Variants in PRMT3 observed in about 807,000 individuals in gnomAD.
PRMT3 encodes protein arginine N-methyltransferase 3.
In PRMT3, 62 loss-of-function variants were observed where a neutral mutation model predicts 71.9. The observed-to-expected ratio is 0.86, with a 90% CI of 0.70 to 1.07. The LOEUF is 1.07. PRMT3 is among the 50% of genes least tolerant of loss of function. The pLI is 0.00. For synonymous variants in PRMT3, 213 were observed against 220.4 expected, an observed-to-expected ratio of 0.97 and a Z score of 0.30; for missense variants, 663 against 643.0, an observed-to-expected ratio of 1.03 and a Z score of -0.34.
Position 20,397,734 on chromosome 11 carries a change from C to G in PRMT3, c.705+13C>G. On this transcript the variant is annotated intron_variant, in intron 7 of 15. Transcript: ENST00000331079. ...AGAAATGCTAAAGGTTAGAAAAGAA[C>G]ACAAATGCGTCAAATCCATACTAAA... 6.2e-7 allele frequency: 1 copy of G among 1,612,790 alleles called. No homozygotes were observed. The highest frequency in any genetic ancestry group is 1.7e-5 in the Admixed American group (1 of 59,790).
At chr11:20,415,058 T>A (rs1297425069) in intron 9 of PRMT3, among the ~76,000 whole-genome samples, 2 of 114,754 alleles carry the variant, frequency 1.7e-5, no homozygotes, top group Admixed American at 1.7e-4. Flanking sequence ...GTGTGTGTAT[T>A]TTGGAAAAAT....
chr11:20,420,133 C>T (rs1485270802), intron 9 of PRMT3, among the ~76,000 whole-genome samples: 1 of 152,074 alleles, frequency 6.6e-6, no homozygotes. Context: ...GATCGTGCCA[C>T]AGCACTCTAG....
chr11:20,471,931 G>A (rs535229940), intron 13 of PRMT3, among the ~76,000 whole-genome samples: 54 of 151,970 alleles, frequency 3.6e-4, no homozygotes, highest in Middle Eastern at 3.4e-3. Context: ...CTCGTTAGCA[G>A]TATTCCTAGG....
intron 13 of PRMT3, among the ~76,000 whole-genome samples, chr11:20,477,909 G>A (rs77132652): frequency 0.019 from 2,942 of 151,356 alleles, 94 homozygotes; most frequent in African/African-American, 0.066. Context: ...TCTGCCTTTT[G>A]GATTTCTCCA....
intron 8 of PRMT3, chr11:20,407,292 A>C (rs1157013494): frequency 6.6e-6 from 1 of 152,124 alleles, no homozygotes; most frequent in Non-Finnish European, 1.5e-5. Context: ...TCTATTGTGT[A>C]TATTTTTCTA....
intron 13 of PRMT3, among the ~76,000 whole-genome samples, chr11:20,487,475 T>C (rs931928754): frequency 6.6e-6 from 1 of 152,166 alleles, no homozygotes; most frequent in Admixed American, 6.5e-5. Context: ...TCTTTATATA[T>C]TGAAGTATAA....
intron 13 of PRMT3, among the ~76,000 whole-genome samples, chr11:20,465,830 T>C (rs1226771645): frequency 6.6e-6 from 1 of 152,138 alleles, no homozygotes; most frequent in Non-Finnish European, 1.5e-5. Context: ...TAATTGAAAT[T>C]ATTTTTGTCA....
chr11:20,462,430 T>C (rs3758804), intron 12 of PRMT3, among the ~76,000 whole-genome samples: 126,070 of 152,044 alleles, frequency 0.83, 53,859 homozygotes, highest in Non-Finnish European at 0.95. Flanking sequence ...ATAATTTATA[T>C]TTACTTTGGC....
At chr11:20,432,502 A>G (rs534053916) in intron 10 of PRMT3, among the ~76,000 whole-genome samples, 1 of 152,250 alleles carries the variant, frequency 6.6e-6, no homozygotes, top group African/African-American at 2.4e-5. Flanking sequence ...GCTATTGTGA[A>G]TAGTGCTGTT....
chr11:20,499,624 T>C (rs1365068776), intron 15 of PRMT3, among the ~76,000 whole-genome samples: 1 of 151,994 alleles, frequency 6.6e-6, no homozygotes, highest in Non-Finnish European at 1.5e-5. Context: ...AGGTCCTATT[T>C]CTAAAAAAAA....
At position 20,509,328 on chromosome 11, in the gene PRMT3, A is replaced by AAAC. The variant is rs1851672656; in HGVS notation, c.*920_*922dup. Reference sequence around the variant, plus strand: ...ATAAAAGTTTTCAATAAAATATATCAAACAACATTATAAAATATTTCAACA... The same window carrying AAAC: ...ATAAAAGTTTTCAATAAAATATATCAAACAACAACATTATAAAATATTTCAACA... On this transcript the variant is annotated 3_prime_UTR_variant, in exon 16 of 16. Transcript: ENST00000331079. 1 of 152,132 alleles carries AAAC rather than the reference A, an allele frequency of 6.6e-6. No homozygotes were observed. The highest frequency in any genetic ancestry group is 1.5e-5 in the Non-Finnish European group (1 of 68,036). The allele number at this position is 152,132 out of a possible 1,614,324, so 9.4% of individuals were successfully genotyped here. A position where few individuals can be genotyped will look rare whatever the true frequency, so the allele number is the denominator to read the frequency against.
intron 11 of PRMT3, among the ~76,000 whole-genome samples, chr11:20,455,103 C>T (rs938324380): frequency 2.6e-5 from 4 of 152,072 alleles, no homozygotes; most frequent in Non-Finnish European, 5.9e-5. Flanking sequence ...ATGCAGCCAA[C>T]AAGAGATGAG....
At chr11:20,505,615 T>G (rs1851571368) in intron 15 of PRMT3, among the ~76,000 whole-genome samples, 1 of 152,172 alleles carries the variant, frequency 6.6e-6, no homozygotes, top group Non-Finnish European at 1.5e-5. Flanking sequence ...TTCCCAGTTT[T>G]GGTGTCAATA....
At chr11:20,424,377 TAAATC>T (rs1849496583) in intron 9 of PRMT3, among the ~76,000 whole-genome samples, 1 of 152,122 alleles carries the variant, frequency 6.6e-6, no homozygotes, top group South Asian at 2.1e-4. Flanking sequence ...AGTCCAGAAA[TAAATC>T]CACACATACA....
chr11:20,388,276 A>G, intron 2 of PRMT3, 122 bp downstream of exon 2: 2 of 1,417,026 alleles, frequency 1.4e-6, no homozygotes, highest in Non-Finnish European at 1.9e-6. Context: ...TTCTGGAACC[A>G]CTGGTCTGGG....
chr11:20,397,595 T>G lies in PRMT3; in HGVS notation c.579T>G (p.Phe193Leu), dbSNP rs1430129180. Reference protein sequence around the residue: ...LQKMKQFAQDFVMHTDVRTCS... With the variant: ...LQKMKQFAQDLVMHTDVRTCS... Reference sequence around the variant, plus strand: ...ATTACAGACAATTTGCTCAGGATTTTGTGATGCACACAGATGTCAGAACCT... The same window carrying G: ...ATTACAGACAATTTGCTCAGGATTTGGTGATGCACACAGATGTCAGAACCT... The change falls in exon 7 of 16, where the codon TTT (phenylalanine) becomes TTG (leucine). Residue 193 changes from phenylalanine (F) to leucine (L), a missense_variant. By Grantham distance (22) the Phe-to-Leu change is conservative. Coordinates refer to ENST00000331079, the MANE Select transcript of PRMT3 (RefSeq NM_005788.4). 1 of 1,614,044 alleles carries G rather than the reference T, an allele frequency of 6.2e-7. No individual in the cohort carries two copies. The highest frequency in any genetic ancestry group is 2.2e-5 in the East Asian group (1 of 44,890).
intron 13 of PRMT3, 140 bp from the exon 14 acceptor site, chr11:20,493,779 T>G (rs1851266149): frequency 1.6e-6 from 1 of 622,154 alleles, no homozygotes; most frequent in African/African-American, 1.9e-5. Context: ...ACAACATCTT[T>G]TCCAGGAAAA....
At chr11:20,473,082 G>A (rs1181236129) in intron 13 of PRMT3, among the ~76,000 whole-genome samples, 4 of 152,046 alleles carry the variant, frequency 2.6e-5, no homozygotes, top group African/African-American at 4.8e-5. Context: ...TGGAGACCAC[G>A]GTAATATTCC....
At chr11:20,479,896 C>T (rs997119827) in intron 13 of PRMT3, among the ~76,000 whole-genome samples, 3 of 152,156 alleles carry the variant, frequency 2.0e-5, no homozygotes, top group East Asian at 1.9e-4. Context: ...ATGTCCATTG[C>T]GGCCTTCCTC....
Sources: allele counts gnomAD v4.1 joint callset (sites outside exome capture counted in the v4.1 genomes callset), GRCh38; gene constraint gnomAD v4.1.1; transcripts MANE v1.5; gene names NCBI Gene and HGNC (gene_info 2026-07-23, HGNC 2026-07-21).